GSE1: variants seen among roughly 807,000 people sequenced by gnomAD.
The protein encoded by GSE1 is Gse1 coiled-coil protein, also known as genetic suppressor element 1.
Under a neutral mutation model 112.6 loss-of-function variants are expected in GSE1, and 32 were observed. That is an observed-to-expected ratio of 0.28 (90% CI 0.21 to 0.38). The LOEUF is 0.38. Among genes scored for constraint, GSE1 ranks in the 10% least tolerant of loss-of-function variants. The pLI is 1.00. For missense variants in GSE1, 2,348 were observed against 1,699.2 expected, an observed-to-expected ratio of 1.38 and a Z score of -6.71; for synonymous variants, 1,115 against 735.6, an observed-to-expected ratio of 1.52 and a Z score of -8.35.
At chr16:85,356,273 C>T (rs1466979294) in intron 1 of GSE1, among the ~76,000 whole-genome samples, 2 of 152,234 alleles carry the variant, frequency 1.3e-5, no homozygotes, top group East Asian at 1.9e-4. Flanking sequence ...CCCAGGTGCA[C>T]GCAGGATGGA....
chr16:85,209,298 C>G (rs1184473194), intron 1 of GSE1, among the ~76,000 whole-genome samples: 1 of 152,164 alleles, frequency 6.6e-6, no homozygotes, highest in African/African-American at 2.4e-5. Context: ...AAGGAACTTG[C>G]CCAAAGTGTC....
intron 1 of GSE1, among the ~76,000 whole-genome samples, chr16:85,261,095 G>A (rs868030067): frequency 2.0e-5 from 3 of 152,298 alleles, no homozygotes; most frequent in African/African-American, 7.2e-5. Flanking sequence ...TGCTCTAAGT[G>A]ATCAGCCCTT....
chr16:85,190,190 A>G (rs568810263), intron 1 of GSE1, among the ~76,000 whole-genome samples: 19 of 152,226 alleles, frequency 1.2e-4, no homozygotes, highest in Admixed American at 5.2e-4. Context: ...CCTGTGATGG[A>G]CATTGGTGAA....
intron 1 of GSE1, among the ~76,000 whole-genome samples, chr16:85,563,108 T>A (rs1289599779): frequency 6.6e-6 from 1 of 151,954 alleles, no homozygotes; most frequent in African/African-American, 2.4e-5. Context: ...AGGGGCACCG[T>A]GTATTCGAAG....
rs188250048 is a variant in GSE1 at position 85,590,248 on chromosome 16, G to A, written c.37+33885G>A. Among the ~76,000 whole-genome samples, 7 of 152,134 alleles carry A rather than the reference G, an allele frequency of 4.6e-5. No individual in the cohort carries two copies. The East Asian group carries it at 1.4e-3, about 29-fold the overall frequency. On this transcript the variant is annotated intron_variant, in intron 1 of 2. Coordinates refer to the GSE1 transcript ENST00000635906. ...CTTGTGTGCGTGTGTGAACGTGTGG[G>A]CCCGCGTGTGAATGAGTGTGAACTT...
At chr16:85,488,047 C>G (rs1049003530) in intron 2 of GSE1, among the ~76,000 whole-genome samples, 2 of 151,884 alleles carry the variant, frequency 1.3e-5, no homozygotes, top group African/African-American at 4.9e-5. Flanking sequence ...CAAGGGGAAT[C>G]TGGGGGAACG....
intron 1 of GSE1, among the ~76,000 whole-genome samples, chr16:85,590,398 A>G (rs2046946542): frequency 6.8e-6 from 1 of 147,366 alleles, no homozygotes; most frequent in South Asian, 2.2e-4. Context: ...AACATGTGTG[A>G]CATTGTGTGT....
At chr16:85,606,384 G>A (rs962754035) in intron 1 of GSE1, among the ~76,000 whole-genome samples, 4 of 152,242 alleles carry the variant, frequency 2.6e-5, no homozygotes, top group Non-Finnish European at 4.4e-5. Flanking sequence ...AACCTCATCC[G>A]TGCAGTGTAG....
intron 1 of GSE1, among the ~76,000 whole-genome samples, chr16:85,601,204 C>T (rs186598703): frequency 8.0e-4 from 121 of 151,400 alleles, no homozygotes; most frequent in Non-Finnish European, 1.3e-3. Flanking sequence ...CTAGTGCAGT[C>T]GTGAGGGCCA....
chr16:85,319,263 T>C (rs2046048632), intron 1 of GSE1, among the ~76,000 whole-genome samples: 1 of 152,252 alleles, frequency 6.6e-6, no homozygotes, highest in South Asian at 2.1e-4. Context: ...AGTAGGCGTG[T>C]GACCCAGAAC....
chr16:85,342,027 A>G (rs776109348), intron 1 of GSE1, among the ~76,000 whole-genome samples: 2 of 152,038 alleles, frequency 1.3e-5, no homozygotes, highest in African/African-American at 2.4e-5. Context: ...GTCCCTCCAC[A>G]GGGACTTGCA....
chr16:85,186,026 A>C (rs907330329), intron 1 of GSE1, among the ~76,000 whole-genome samples: 1 of 152,206 alleles, frequency 6.6e-6, no homozygotes, highest in African/African-American at 2.4e-5. Context: ...AGCCAGCGCG[A>C]GAGACCACGA....
chr16:85,550,418 C>T (rs2044863563), intron 2 of GSE1, among the ~76,000 whole-genome samples: 1 of 152,206 alleles, frequency 6.6e-6, no homozygotes, highest in African/African-American at 2.4e-5. Context: ...CAGCAGCTGG[C>T]ACAGACTGAG....
At chr16:85,231,168 AGATG>A (rs765890821) in intron 1 of GSE1, among the ~76,000 whole-genome samples, 79 of 140,010 alleles carry the variant, frequency 5.6e-4, no homozygotes, top group Middle Eastern at 4.3e-3. Flanking sequence ...ATAGAAGGAC[AGATG>A]GATGGATGGA....
At chr16:85,493,434 A>G (rs897652912) in intron 2 of GSE1, among the ~76,000 whole-genome samples, 4 of 152,062 alleles carry the variant, frequency 2.6e-5, no homozygotes, top group Non-Finnish European at 5.9e-5. Context: ...CAACAGAGGC[A>G]AACCCCATCT....
chr16:85,517,384 T>C, intron 2 of GSE1, among the ~76,000 whole-genome samples: 1 of 152,212 alleles, frequency 6.6e-6, no homozygotes, highest in Admixed American at 6.5e-5. Flanking sequence ...GAGCTGCCAG[T>C]GACCAAGTGA....
At chr16:85,204,831 C>T (rs2075087517) in intron 1 of GSE1, among the ~76,000 whole-genome samples, 1 of 152,224 alleles carries the variant, frequency 6.6e-6, no homozygotes, top group Non-Finnish European at 1.5e-5. Context: ...CACACCCAGC[C>T]AGCCAAGGGT....
intron 1 of GSE1, among the ~76,000 whole-genome samples, chr16:85,177,394 C>G (rs1249365486): frequency 6.6e-6 from 1 of 152,234 alleles, no homozygotes; most frequent in Non-Finnish European, 1.5e-5. Context: ...AGTGGGGACA[C>G]TGAAGAGAGA....
intron 1 of GSE1, among the ~76,000 whole-genome samples, chr16:85,349,464 C>G (rs2046809380): frequency 6.6e-6 from 1 of 152,078 alleles, no homozygotes; most frequent in African/African-American, 2.4e-5. Context: ...GCAGGGCTGG[C>G]CTGTCCATGT....
Sources: gnomAD v4.1 joint callset for allele counts (sites outside exome capture counted in the v4.1 genomes callset) on GRCh38, gnomAD v4.1.1 for gene constraint, MANE v1.5 for transcripts, NCBI Gene and HGNC (gene_info 2026-07-23, HGNC 2026-07-21) for gene names.